Variants in CELF2 observed in about 807,000 individuals in gnomAD.
CELF2 encodes CUG triplet repeat RNA-binding protein 2.
Under a neutral mutation model 62.6 loss-of-function variants are expected in CELF2, and 8 were observed. The ratio of observed to expected loss-of-function variants is 0.13; its 90% CI spans 0.07 to 0.23. The LOEUF is 0.23. Ranked by LOEUF, CELF2 falls within the 10% of genes least tolerant of loss-of-function variation. The pLI is 1.00. For synonymous variants in CELF2, 258 were observed against 250.0 expected (o/e 1.03, Z -0.30); for missense variants, 333 against 671.0 (o/e 0.50, Z 5.56).
intron 1 of CELF2, among the ~76,000 whole-genome samples, chr10:10,807,007 T>C (rs1318431781): frequency 2.0e-5 from 3 of 152,256 alleles, no homozygotes; most frequent in African/African-American, 7.2e-5. Context: ...TTCTTGTTTA[T>C]AAAATGTTTC....
At chr10:10,899,777 G>C (rs983448410) in intron 1 of CELF2, among the ~76,000 whole-genome samples, 1 of 152,172 alleles carries the variant, frequency 6.6e-6, no homozygotes, top group Non-Finnish European at 1.5e-5. Flanking sequence ...AGGAAGGGGT[G>C]GTGGGGAGGT....
At chr10:11,087,685 A>G (rs1352664866) in intron 1 of CELF2, among the ~76,000 whole-genome samples, 1 of 152,192 alleles carries the variant, frequency 6.6e-6, no homozygotes, top group Non-Finnish European at 1.5e-5. Flanking sequence ...TCACAACAAC[A>G]CATACCCACA....
At chr10:10,563,879 A>T in the CELF2 span, among the ~76,000 whole-genome samples, 1 of 152,110 alleles carries the variant, frequency 6.6e-6, no homozygotes, top group Non-Finnish European at 1.5e-5. Flanking sequence ...TAACACTCAC[A>T]TTTGTTGAGA....
rs1428265988 is a variant in CELF2, at chr10:10,928,748, T to C, written c.89+8749T>C. On this transcript the variant is annotated intron_variant, in intron 2 of 13. Transcript: ENST00000636488. This position sits in a 1 kb window ranked among gnomAD's most constrained non-coding sequence, Gnocchi z 4.8. ...TCCCAAAGACCCCAGTTTTAACCCCTATCCTAGCATCTGTGTCATCCAATA... is the reference window on the plus strand; with the variant it reads ...TCCCAAAGACCCCAGTTTTAACCCCCATCCTAGCATCTGTGTCATCCAATA... Among the ~76,000 whole-genome samples, 1 of 152,178 alleles carries C rather than the reference T, an allele frequency of 6.6e-6. No homozygotes were observed. Among genetic ancestry groups the C allele is most frequent in the Non-Finnish European group, 1.5e-5 (1 of 68,038 alleles).
rs545605789 is a variant in CELF2 at position 11,075,079 on chromosome 10, A to G, written c.74+56916A>G. 2 of 152,172 alleles carry G rather than the reference A, an allele frequency of 1.3e-5. No homozygotes were observed. Among genetic ancestry groups the G allele is most frequent in the African/African-American group, 2.4e-5 (1 of 41,444 alleles). The allele number at this position is 152,172 out of a possible 1,614,324, so 9.4% of individuals were successfully genotyped here. A position where few individuals can be genotyped will look rare whatever the true frequency, so the allele number is the denominator to read the frequency against. On this transcript the variant is annotated intron_variant, in intron 1 of 12. Coordinates refer to ENST00000633077, the MANE Select transcript of CELF2 (RefSeq NM_001326342.2). The surrounding 1 kb of genome is among the most constrained non-coding windows in gnomAD (Gnocchi z 5.4). ...GATTCTCTTGTTTCCTCTTGTCACT[A>G]TGGGAAAATGCTGCTCTGTCCTAAT...
At chr10:10,837,648 T>A (rs1216837688) in intron 1 of CELF2, among the ~76,000 whole-genome samples, 1 of 152,198 alleles carries the variant, frequency 6.6e-6, no homozygotes, top group Non-Finnish European at 1.5e-5. Flanking sequence ...TACAAAGTAT[T>A]AACGGTCAGA....
the CELF2 span, among the ~76,000 whole-genome samples, chr10:10,583,994 G>A: frequency 6.6e-6 from 1 of 152,122 alleles, no homozygotes; most frequent in Non-Finnish European, 1.5e-5. Context: ...CCTCAAAGAT[G>A]CCTTCCAACC....
Position 11,306,799 on chromosome 10 carries a change from A to G in CELF2, c.977-7340A>G, listed in dbSNP as rs958201879. On this transcript the variant is annotated intron_variant, in intron 9 of 12. Coordinates refer to ENST00000633077, the MANE Select transcript of CELF2 (RefSeq NM_001326342.2). This position sits in a 1 kb window ranked among gnomAD's most constrained non-coding sequence, Gnocchi z 4.4. ...TACTGGGACCGTCTAAGAACAGCGT[A>G]GTAAGAAGTGAGAAATTATGTCCAG... Among the ~76,000 whole-genome samples the G allele has an allele frequency of 5.3e-4, 81 of 152,272 alleles. 1 individual carries two copies. Among genetic ancestry groups the G allele is most frequent in the African/African-American group, 1.9e-3 (78 of 41,566 alleles).
At chr10:11,108,671 T>C (rs2054320385) in intron 1 of CELF2, among the ~76,000 whole-genome samples, 1 of 152,216 alleles carries the variant, frequency 6.6e-6, no homozygotes, top group East Asian at 1.9e-4. Context: ...CCATTCATAC[T>C]CCCAGGATCT....
chr10:11,292,742 C>T (rs1251020691), intron 9 of CELF2, among the ~76,000 whole-genome samples: 2 of 152,174 alleles, frequency 1.3e-5, no homozygotes, highest in Non-Finnish European at 2.9e-5. Context: ...TAAACTTGCC[C>T]CACAGACCTG....
intron 4 of CELF2, among the ~76,000 whole-genome samples, chr10:11,250,508 T>C (rs1428556368): frequency 6.6e-6 from 1 of 152,254 alleles, no homozygotes; most frequent in Non-Finnish European, 1.5e-5. Flanking sequence ...GCTGCTGCTC[T>C]GTGGCCCTGT....
chr10:11,194,451 A>G (rs1253926983), intron 2 of CELF2, among the ~76,000 whole-genome samples: 2 of 152,226 alleles, frequency 1.3e-5, no homozygotes, highest in South Asian at 2.1e-4. Context: ...GTCTTTGCCC[A>G]GTAACGAACA....
chr10:10,803,681 T>G (rs1466242478), intron 1 of CELF2, among the ~76,000 whole-genome samples: 1 of 152,242 alleles, frequency 6.6e-6, no homozygotes, highest in African/African-American at 2.4e-5. Flanking sequence ...CAGCTAATAT[T>G]CTCATCACAG....
Position 10,997,150 on chromosome 10 carries a change from T to C in CELF2, c.89+77151T>C, listed in dbSNP as rs559880622. On this transcript the variant is annotated intron_variant, in intron 2 of 13. Coordinates refer to the CELF2 transcript ENST00000636488. This position sits in a 1 kb window ranked among gnomAD's most constrained non-coding sequence, Gnocchi z 5.3. ...CCTTCCACGTACTGCATGTGTCAGC[T>C]TGGGCCGTTTTTAATCTGCCAGGCC... Among the ~76,000 whole-genome samples the C allele has an allele frequency of 4.6e-5, 7 of 152,270 alleles. No homozygotes were observed. Among genetic ancestry groups the C allele is most frequent in the Non-Finnish European group, 1.0e-4 (7 of 68,010 alleles).
the CELF2 span, among the ~76,000 whole-genome samples, chr10:10,657,032 G>A: frequency 5.3e-5 from 8 of 151,968 alleles, no homozygotes; most frequent in East Asian, 1.5e-3. Flanking sequence ...TTCATCAATG[G>A]ATGAATGGAT....
chr10:10,563,599 C>T, the CELF2 span, among the ~76,000 whole-genome samples: 1 of 121,604 alleles, frequency 8.2e-6, no homozygotes, highest in African/African-American at 3.5e-5. Context: ...CATAGGGAGA[C>T]TGTGTCTCAA....
the CELF2 span, among the ~76,000 whole-genome samples, chr10:10,677,792 A>G: frequency 3.9e-5 from 6 of 152,220 alleles, no homozygotes; most frequent in Non-Finnish European, 1.5e-5. Flanking sequence ...CTGCTAAGCA[A>G]TGAAACAAGT....
intron 2 of CELF2, among the ~76,000 whole-genome samples, chr10:11,186,761 A>G (rs1320577379): frequency 6.6e-6 from 1 of 152,202 alleles, no homozygotes; most frequent in Non-Finnish European, 1.5e-5. Context: ...AGTAAGTATA[A>G]TGCAAATATT....
At chr10:10,523,245 TG>T in the CELF2 span, among the ~76,000 whole-genome samples, 1 of 152,224 alleles carries the variant, frequency 6.6e-6, no homozygotes, top group Admixed American at 6.5e-5. Context: ...CGAGGTTTAA[TG>T]TAAGTTAGGA....
Sources: gnomAD v4.1 joint callset for allele counts (sites outside exome capture counted in the v4.1 genomes callset) on GRCh38, gnomAD v4.1.1 for gene constraint, Gnocchi (gnomAD v3.1) non-coding constraint, MANE v1.5 for transcripts, NCBI Gene and HGNC (gene_info 2026-07-23, HGNC 2026-07-21) for gene names.